Variants in TRIO observed in about 807,000 individuals in gnomAD.
TRIO encodes triple functional domain protein.
A neutral mutation model predicts 351.9 loss-of-function variants in TRIO; 58 were observed. That is an observed-to-expected ratio of 0.16 (90% CI 0.13 to 0.21). The LOEUF is 0.21. Among genes scored for constraint, TRIO ranks in the 10% least tolerant of loss-of-function variants. The pLI is 1.00. For synonymous variants in TRIO, 1,758 were observed against 1,595.7 expected (o/e 1.10, Z -2.42); for missense variants, 3,201 against 4,027.8 (o/e 0.79, Z 5.56).
At chr5:14,402,313 TGTC>T (rs1452543614) in intron 31 of TRIO, among the ~76,000 whole-genome samples, 1 of 152,220 alleles carries the variant, frequency 6.6e-6, no homozygotes, top group Non-Finnish European at 1.5e-5. Context: ...TCATTTAGGA[TGTC>T]GTAAATGCTC....
intron 1 of TRIO, among the ~76,000 whole-genome samples, chr5:14,171,909 C>G (rs956625230): frequency 2.0e-5 from 3 of 152,194 alleles, no homozygotes; most frequent in Admixed American, 6.5e-5. Flanking sequence ...TATGTATACA[C>G]ACTCTTTTCC....
chr5:14,274,720 T>C (rs989552494), intron 2 of TRIO, among the ~76,000 whole-genome samples: 2 of 152,148 alleles, frequency 1.3e-5, no homozygotes, highest in Non-Finnish European at 2.9e-5. Flanking sequence ...TGTTTGTTTG[T>C]TTTTTCCCCC....
In TRIO at chr5:14,406,633, C is replaced by G. The variant is rs147339578; in HGVS notation, c.4920C>G (p.Ile1640Met). The change falls in exon 33 of 57, where the codon ATC becomes ATG. Residue 1640 changes from isoleucine (I) to methionine (M), a missense_variant. By Grantham distance (10) the Ile-to-Met change is conservative. This residue lies in a region of TRIO where 136 missense variants were observed against 229.5 expected (regional missense o/e 0.59). Coordinates refer to ENST00000344204, the MANE Select transcript of TRIO (RefSeq NM_007118.4). ...DGSSQPDTIS[I>M]ASRTSQNTLD... ...GCAGCCAGCCTGATACGATTTCCAT[C>G]GCCTCACGGACGTCTCAGAACACGC... 2.5e-6 allele frequency: 4 copies of G among 1,614,070 alleles called. No homozygotes were observed. Among genetic ancestry groups the G allele is most frequent in the Non-Finnish European group, 3.4e-6 (4 of 1,179,976 alleles).
chr5:14,484,540 G>C (rs1340064998), intron 46 of TRIO, among the ~76,000 whole-genome samples: 1 of 152,236 alleles, frequency 6.6e-6, no homozygotes, highest in Non-Finnish European at 1.5e-5. Context: ...CTTGTTTCAG[G>C]ATTGAGTTAG....
At chr5:14,460,965 C>A (rs1419694149) in intron 34 of TRIO, 54 bp from the exon 35 acceptor site, 2 of 1,459,112 alleles carry the variant, frequency 1.4e-6, no homozygotes, top group Admixed American at 5.1e-5. Context: ...GCATGGTCTT[C>A]ACACCGGAGG....
chr5:14,385,060 C>G (rs567670931), intron 21 of TRIO, among the ~76,000 whole-genome samples: 1 of 152,148 alleles, frequency 6.6e-6, no homozygotes, highest in East Asian at 1.9e-4. Context: ...TTCATTTCAC[C>G]CAGTGGATTA....
At chr5:14,208,074 C>T (rs1791655449) in intron 1 of TRIO, among the ~76,000 whole-genome samples, 1 of 152,206 alleles carries the variant, frequency 6.6e-6, no homozygotes, top group Non-Finnish European at 1.5e-5. Context: ...TAAGGTTGTA[C>T]AGTCAGTTTG....
At chr5:14,220,374 A>AT (rs1792538115) in intron 1 of TRIO, among the ~76,000 whole-genome samples, 1 of 152,092 alleles carries the variant, frequency 6.6e-6, no homozygotes, top group South Asian at 2.1e-4. Flanking sequence ...CAGGCCTCCT[A>AT]TTTTTGAGAC....
chr5:14,312,074 T>C (rs1046890974), intron 8 of TRIO, among the ~76,000 whole-genome samples: 1 of 152,178 alleles, frequency 6.6e-6, no homozygotes, highest in Non-Finnish European at 1.5e-5. Context: ...GCCACGTTCA[T>C]CCCTTGTGCA....
chr5:14,153,161 C>T (rs1787932236), intron 1 of TRIO, among the ~76,000 whole-genome samples: 1 of 152,206 alleles, frequency 6.6e-6, no homozygotes, highest in Admixed American at 6.5e-5. Context: ...CGGTGATAAC[C>T]TGCAGAGTGG....
chr5:14,266,634 A>C (rs1007587129), intron 1 of TRIO, among the ~76,000 whole-genome samples: 1 of 152,236 alleles, frequency 6.6e-6, no homozygotes, highest in African/African-American at 2.4e-5. Flanking sequence ...TAGTTATTTT[A>C]AAATGAGTAT....
intron 34 of TRIO, among the ~76,000 whole-genome samples, chr5:14,429,951 C>T (rs1044924722): frequency 2.6e-5 from 4 of 152,118 alleles, no homozygotes; most frequent in Non-Finnish European, 5.9e-5. Context: ...ATGTGTAATA[C>T]TTCATGTGTG....
intron 11 of TRIO, among the ~76,000 whole-genome samples, chr5:14,354,114 C>T (rs1390936516): frequency 1.3e-5 from 2 of 152,194 alleles, no homozygotes; most frequent in Non-Finnish European, 2.9e-5. Flanking sequence ...GGCAGGGCTT[C>T]AGGGAGAGGG....
intron 7 of TRIO, among the ~76,000 whole-genome samples, chr5:14,299,790 C>A (rs1737696552): frequency 6.6e-6 from 1 of 152,146 alleles, no homozygotes; most frequent in Admixed American, 6.5e-5. Context: ...GAATTTAAAT[C>A]TGATTAGGGG....
In TRIO at chr5:14,479,301, A is replaced by T; in HGVS notation, c.6194A>T (p.Lys2065Ile). 1 of 1,613,998 alleles carries T rather than the reference A, an allele frequency of 6.2e-7. No individual in the cohort carries two copies. Among genetic ancestry groups the T allele is most frequent in the South Asian group, 1.1e-5 (1 of 91,004 alleles). The change falls in exon 42 of 57, where the codon AAA becomes ATA. Residue 2065 changes from lysine (K) to isoleucine (I), a missense_variant. Transcript: ENST00000344204. ...ATGTACATAGCTTATTGTCAAAATAAACCAAAGTCTGAGCACATTGTCTCA... is the reference window on the plus strand; with the variant it reads ...ATGTACATAGCTTATTGTCAAAATATACCAAAGTCTGAGCACATTGTCTCA... ...LHMYIAYCQN[K>I]PKSEHIVSEY...
intron 1 of TRIO, among the ~76,000 whole-genome samples, chr5:14,243,788 A>G (rs972458929): frequency 6.6e-6 from 1 of 152,200 alleles, no homozygotes; most frequent in African/African-American, 2.4e-5. Flanking sequence ...TTTGTCTAGT[A>G]TGATCCATTT....
At position 14,498,595 on chromosome 5, in the gene TRIO, A is replaced by G. The variant is rs141199137; in HGVS notation, c.8287A>G (p.Asn2763Asp). The change falls in exon 53 of 57, where the codon AAT (asparagine) becomes GAT (aspartate). Residue 2763 changes from asparagine to aspartate, a missense_variant. By Grantham distance (23) the Asn-to-Asp change is conservative. Around this residue, in one of 19 missense-constraint regions of TRIO, gnomAD observed 1,089 missense variants for 954.9 expected, o/e 1.14. Coordinates refer to ENST00000344204, the MANE Select transcript of TRIO (RefSeq NM_007118.4). ...DDGIYTCIAVNDMGSASSSAS... is the reference protein window; with the variant it reads ...DDGIYTCIAVDDMGSASSSAS... Reference sequence around the variant, plus strand: ...CGGCATCTACACGTGCATCGCTGTCAATGACATGGGTTCAGCCTCATCGTC... The same window carrying G: ...CGGCATCTACACGTGCATCGCTGTCGATGACATGGGTTCAGCCTCATCGTC... 9.9e-6 allele frequency: 16 copies of G among 1,614,090 alleles called. No individual in the cohort carries two copies. The highest frequency in any genetic ancestry group is 1.4e-5 in the Non-Finnish European group (16 of 1,180,026).
chr5:14,475,949 A>G (rs994369779), intron 40 of TRIO, among the ~76,000 whole-genome samples: 1 of 152,256 alleles, frequency 6.6e-6, no homozygotes, highest in Non-Finnish European at 1.5e-5. Flanking sequence ...AGCTGGACAT[A>G]TATCTTAAAA....
intron 6 of TRIO, among the ~76,000 whole-genome samples, chr5:14,294,579 C>T (rs1360848293): frequency 2.0e-5 from 3 of 152,186 alleles, no homozygotes; most frequent in Non-Finnish European, 2.9e-5. Context: ...CCCCTTTCTT[C>T]AGCATTATTA....
Sources: allele counts gnomAD v4.1 joint callset (sites outside exome capture counted in the v4.1 genomes callset), GRCh38; gene constraint gnomAD v4.1.1; regional missense constraint gnomAD v4.1.1; transcripts MANE v1.5; gene names NCBI Gene and HGNC (gene_info 2026-07-23, HGNC 2026-07-21).